The following TCERG1 variants were observed in gnomAD, a reference collection of about 807,000 sequenced individuals.
TCERG1 encodes transcription elongation regulator 1.
A neutral mutation model predicts 144.7 loss-of-function variants in TCERG1; 37 were observed. That is an observed-to-expected ratio of 0.26 (90% CI 0.20 to 0.34). The LOEUF is 0.34. Ranked by LOEUF, TCERG1 falls within the 10% of genes least tolerant of loss-of-function variation. TCERG1 has a pLI of 1.00. For missense variants in TCERG1, 1,027 were observed against 1,380.7 expected (o/e 0.74, Z 4.06); for synonymous variants, 492 against 458.2 (o/e 1.07, Z -0.94).
At chr5:146,506,744 G>A (rs946487714) in intron 19 of TCERG1, among the ~76,000 whole-genome samples, 1 of 152,132 alleles carries the variant, frequency 6.6e-6, no homozygotes. Context: ...CCACAAATGT[G>A]AGACTATGCA....
At chr5:146,497,483 C>T (rs532725574) in intron 16 of TCERG1, among the ~76,000 whole-genome samples, 12 of 152,260 alleles carry the variant, frequency 7.9e-5, no homozygotes, top group Middle Eastern at 3.4e-3. Flanking sequence ...CTACTTAGAA[C>T]GACATCTGGA....
At chr5:146,497,445 C>T (rs1265201608) in intron 16 of TCERG1, among the ~76,000 whole-genome samples, 1 of 152,128 alleles carries the variant, frequency 6.6e-6, no homozygotes, top group African/African-American at 2.4e-5. Flanking sequence ...CTGCACCTGG[C>T]CAGTAATAGT....
chr5:146,459,445 A>G lies in TCERG1; in HGVS notation c.892+108A>G, dbSNP rs1017082438. 5 of 1,500,702 alleles carry G rather than the reference A, an allele frequency of 3.3e-6. No individual in the cohort carries two copies. The Admixed American group carries it at 9.2e-5, about 28-fold the overall frequency. The allele number at this position is 1,500,702 out of a possible 1,614,324, so 93.0% of individuals were successfully genotyped here. A position where few individuals can be genotyped will look rare whatever the true frequency, so the allele number is the denominator to read the frequency against. ...GTTTCTGGTATTATCCTTTAATACC[A>G]GAATTATTTAAAATACATTTTTGAC... On this transcript the variant is annotated intron_variant, in intron 4 of 22. Transcript: ENST00000679501.
chr5:146,479,140 T>A (rs1273181352), intron 10 of TCERG1, among the ~76,000 whole-genome samples: 1 of 152,190 alleles, frequency 6.6e-6, no homozygotes, highest in Non-Finnish European at 1.5e-5. Context: ...TATCTCATAT[T>A]CAGAGGGCAT....
intron 15 of TCERG1, among the ~76,000 whole-genome samples, chr5:146,492,593 G>A (rs1299392741): frequency 2.0e-5 from 3 of 152,202 alleles, no homozygotes; most frequent in Admixed American, 2.0e-4. Context: ...CTTTCTAAAA[G>A]GGATTTGGGA....
Position 146,469,541 on chromosome 5 carries a change from T to C in TCERG1, c.1199-3T>C, listed in dbSNP as rs759266830. ...ATCTAATTTTTTATTATTCTTTTTT[T>C]AGGTGTATTGCCAGGAATGGCCCCT... On this transcript the variant is annotated splice_polypyrimidine_tract_variant and splice_region_variant and intron_variant, in intron 6 of 22. Transcript: ENST00000679501. The C allele has an allele frequency of 6.3e-7, 1 of 1,576,984 alleles. No homozygotes were observed. The highest frequency in any genetic ancestry group is 1.2e-5 in the South Asian group (1 of 83,552).
At position 146,507,975 on chromosome 5, in the gene TCERG1, G is replaced by A. The variant is rs770022691; in HGVS notation, c.3045+19G>A. Reference sequence around the variant, plus strand: ...TGACAGGGTAAGAGGATTTTGTGTCGAGATTTACTGTCAGTCTATAAATAC... The same window carrying A: ...TGACAGGGTAAGAGGATTTTGTGTCAAGATTTACTGTCAGTCTATAAATAC... On this transcript the variant is annotated intron_variant, in intron 21 of 22. Coordinates refer to ENST00000679501, the MANE Select transcript of TCERG1 (RefSeq NM_001382548.1). This position sits in a 1 kb window ranked among gnomAD's most constrained non-coding sequence, Gnocchi z 4.6. 1 of 1,566,372 alleles carries A rather than the reference G, an allele frequency of 6.4e-7. No homozygotes were observed. Among genetic ancestry groups the A allele is most frequent in the South Asian group, 1.2e-5 (1 of 86,046 alleles).
chr5:146,508,745 A>T, intron 21 of TCERG1, among the ~76,000 whole-genome samples: 1 of 152,094 alleles, frequency 6.6e-6, no homozygotes, highest in Admixed American at 6.6e-5. Context: ...TCCACAAATT[A>T]CTCTTTTTGT....
chr5:146,473,940 G>A (rs941368198), intron 9 of TCERG1, among the ~76,000 whole-genome samples: 6 of 152,278 alleles, frequency 3.9e-5, no homozygotes, highest in African/African-American at 1.4e-4. Context: ...ATGGATCAAG[G>A]AGTCATTTTG....
At chr5:146,454,410 A>G (rs761101987) in intron 1 of TCERG1, among the ~76,000 whole-genome samples, 24 of 151,858 alleles carry the variant, frequency 1.6e-4, no homozygotes, top group Non-Finnish European at 2.9e-4. Flanking sequence ...CTTATTACGT[A>G]GATTATGTAG....
At chr5:146,467,227 A>C (rs1199754747) in intron 5 of TCERG1, among the ~76,000 whole-genome samples, 1 of 152,150 alleles carries the variant, frequency 6.6e-6, no homozygotes, top group Non-Finnish European at 1.5e-5. Context: ...ATTGTATACA[A>C]ACCCAGGAGT....
chr5:146,495,739 CTTTGT>C (rs145572134), intron 16 of TCERG1, among the ~76,000 whole-genome samples: 5,710 of 152,222 alleles, frequency 0.038, 268 homozygotes, highest in African/African-American at 0.1. Flanking sequence ...ATAACATAAT[CTTTGT>C]TTTAACACAA....
chr5:146,447,967 C>T (rs963426324), intron 1 of TCERG1, among the ~76,000 whole-genome samples: 28 of 152,322 alleles, frequency 1.8e-4, no homozygotes, highest in Admixed American at 1.8e-3. Flanking sequence ...TCCCTTTATT[C>T]CTTATTATCC....
chr5:146,458,576 G>T (rs1331659692), intron 3 of TCERG1, among the ~76,000 whole-genome samples: 1 of 152,070 alleles, frequency 6.6e-6, no homozygotes, highest in Admixed American at 6.5e-5. Context: ...GGGTTCAAGT[G>T]ATTGTTTTGC....
chr5:146,496,764 G>A (rs551070519), intron 16 of TCERG1, among the ~76,000 whole-genome samples: 1 of 151,626 alleles, frequency 6.6e-6, no homozygotes. Flanking sequence ...TGCAGCCTCA[G>A]ATTCCTGGGC....
chr5:146,505,386 A>G (rs188933684), intron 19 of TCERG1: 1 of 152,338 alleles, frequency 6.6e-6, no homozygotes, highest in East Asian at 1.9e-4. Context: ...TACTCCCAGC[A>G]GTTTCCTACA....
At chr5:146,475,087 A>G (rs763560742) in intron 9 of TCERG1, among the ~76,000 whole-genome samples, 1 of 152,094 alleles carries the variant, frequency 6.6e-6, no homozygotes, top group Non-Finnish European at 1.5e-5. Flanking sequence ...CAATCCACAC[A>G]TTGCAATGAT....
Position 146,507,554 on chromosome 5 carries a change from A to G in TCERG1, c.2962-319A>G. 1 of 324,994 alleles carries G rather than the reference A, an allele frequency of 3.1e-6. No individual in the cohort carries two copies. The highest frequency in any genetic ancestry group is 5.5e-6 in the Non-Finnish European group (1 of 181,088). The allele number at this position is 324,994 out of a possible 1,614,324, so 20.1% of individuals were successfully genotyped here. A position where few individuals can be genotyped will look rare whatever the true frequency, so the allele number is the denominator to read the frequency against. Reference sequence around the variant, plus strand: ...CGGCAGTTTGTACGCTTTGTTATCCAGGTTTTGTTCCTTTTTATTTGCTCT... The same window carrying G: ...CGGCAGTTTGTACGCTTTGTTATCCGGGTTTTGTTCCTTTTTATTTGCTCT... On this transcript the variant is annotated intron_variant, in intron 20 of 22. Transcript: ENST00000679501. This position sits in a 1 kb window ranked among gnomAD's most constrained non-coding sequence, Gnocchi z 4.6.
intron 1 of TCERG1, among the ~76,000 whole-genome samples, chr5:146,453,720 C>G (rs937205822): frequency 4.0e-5 from 6 of 151,422 alleles, no homozygotes; most frequent in African/African-American, 1.5e-4. Flanking sequence ...TGCAGATCGC[C>G]TGAGGTCAGG....
Sources: allele counts gnomAD v4.1 joint callset (sites outside exome capture counted in the v4.1 genomes callset), GRCh38; gene constraint gnomAD v4.1.1; non-coding constraint Gnocchi (gnomAD v3.1); transcripts MANE v1.5; gene names NCBI Gene and HGNC (gene_info 2026-07-23, HGNC 2026-07-21).